Variants in ZFHX3 observed in about 807,000 individuals in gnomAD.
The protein encoded by ZFHX3 is zinc finger homeobox 3, also known as zinc finger homeobox protein 3.
In ZFHX3, 42 loss-of-function variants were observed where a neutral mutation model predicts 279.1. That is an observed-to-expected ratio of 0.15 (90% confidence interval 0.12 to 0.19). ZFHX3 has a LOEUF of 0.19. Among genes scored for constraint, ZFHX3 ranks in the 10% least tolerant of loss-of-function variants. The pLI, the probability that ZFHX3 is intolerant of heterozygous loss-of-function variation, is 1.00. For missense variants in ZFHX3, 4,981 were observed against 4,754.0 expected (o/e 1.05, Z -1.40); for synonymous variants, 2,293 against 1,957.8 (o/e 1.17, Z -4.52).
chr16:73,599,253 T>A (rs575170687), intron 2 of ZFHX3, among the ~76,000 whole-genome samples: 1 of 152,298 alleles, frequency 6.6e-6, no homozygotes, highest in East Asian at 1.9e-4. Flanking sequence ...AGGAGAGCCA[T>A]AAGTTGGAGT....
chr16:73,309,791 T>C (rs1314641739), intron 4 of ZFHX3, among the ~76,000 whole-genome samples: 2 of 152,124 alleles, frequency 1.3e-5, no homozygotes, highest in Non-Finnish European at 2.9e-5. Flanking sequence ...ATTCTGAGTA[T>C]AGCCTCAGTA....
At chr16:72,917,361 G>A (rs1371196850) in intron 3 of ZFHX3, among the ~76,000 whole-genome samples, 1 of 152,150 alleles carries the variant, frequency 6.6e-6, no homozygotes, top group Non-Finnish European at 1.5e-5. Context: ...TGATAAACTG[G>A]GGGAAAGGTA....
intron 3 of ZFHX3, among the ~76,000 whole-genome samples, chr16:73,354,831 A>G (rs1355153174): frequency 6.6e-6 from 1 of 152,202 alleles, no homozygotes; most frequent in Non-Finnish European, 1.5e-5. Flanking sequence ...CATCAGCCCC[A>G]AGATTCCCTC....
At chr16:73,164,757 C>T (rs1967319512) in intron 5 of ZFHX3, among the ~76,000 whole-genome samples, 1 of 150,332 alleles carries the variant, frequency 6.7e-6, no homozygotes, top group Non-Finnish European at 1.5e-5. Context: ...CTATTGCCAA[C>T]ACTTCCTGAA....
upstream of ZFHX3, among the ~76,000 whole-genome samples, chr16:73,049,133 G>C (rs1427501029): frequency 6.6e-6 from 1 of 152,142 alleles, no homozygotes; most frequent in Non-Finnish European, 1.5e-5. Context: ...ATCTCCCCAA[G>C]TCCACCTTTT....
intron 5 of ZFHX3, among the ~76,000 whole-genome samples, chr16:73,182,757 C>T (rs1448611145): frequency 6.6e-6 from 1 of 152,142 alleles, no homozygotes; most frequent in Non-Finnish European, 1.5e-5. Context: ...GAACTAGAGG[C>T]CATTATCCTA....
chr16:73,815,998 C>T (rs328344), intron 1 of ZFHX3: 60,172 of 151,980 alleles, frequency 0.4, 12,635 homozygotes, highest in African/African-American at 0.55. Flanking sequence ...ACCCTCACTA[C>T]TTTGTGGGCT....
chr16:73,262,026 A>G (rs772293050), intron 4 of ZFHX3, among the ~76,000 whole-genome samples: 13 of 152,202 alleles, frequency 8.5e-5, no homozygotes, highest in Non-Finnish European at 1.6e-4. Context: ...GTATAATAAC[A>G]TCACTAACCC....
intron 1 of ZFHX3, among the ~76,000 whole-genome samples, chr16:73,693,456 C>T (rs547792363): frequency 6.6e-6 from 1 of 152,172 alleles, no homozygotes; most frequent in Admixed American, 6.5e-5. Flanking sequence ...AAGACATTTG[C>T]GTTTGAGCTG....
At chr16:73,756,991 T>G (rs2053816355) in intron 1 of ZFHX3, among the ~76,000 whole-genome samples, 1 of 152,002 alleles carries the variant, frequency 6.6e-6, no homozygotes, top group South Asian at 2.1e-4. Context: ...ATCGTAAGAG[T>G]GCAAGAGGGA....
chr16:73,033,410 C>T (rs2144681963), intron 1 of ZFHX3, among the ~76,000 whole-genome samples: 1 of 152,308 alleles, frequency 6.6e-6, no homozygotes, highest in East Asian at 1.9e-4. Context: ...CCCCGCCGCC[C>T]CCCAGCACTG....
intron 4 of ZFHX3, among the ~76,000 whole-genome samples, chr16:72,875,847 T>G (rs2038296571): frequency 6.6e-6 from 1 of 152,192 alleles, no homozygotes; most frequent in Non-Finnish European, 1.5e-5. Flanking sequence ...GTCCCAGGGC[T>G]GGAATTCCAA....
intron 2 of ZFHX3, among the ~76,000 whole-genome samples, chr16:73,534,968 G>T (rs2019870361): frequency 1.3e-5 from 2 of 152,018 alleles, no homozygotes; most frequent in Non-Finnish European, 2.9e-5. Context: ...GAGGAAGCAG[G>T]CCCCATAGCC....
chr16:72,787,498 G>A lies in ZFHX3; in HGVS notation c.10778C>T (p.Ser3593Leu). The change falls in exon 10 of 10, where the codon TCA becomes TTA. Residue 3593 changes from serine (S) to leucine (L), a missense_variant. Ser to Leu is a moderately radical substitution (Grantham distance 145). This residue lies in a region of ZFHX3 where 1,034 missense variants were observed against 786.0 expected (regional missense o/e 1.32). Transcript: ENST00000268489. Reference sequence around the variant, plus strand: ...CGACGGGGGAGGGGGGCTGTCGTTTGAGTGAGCGGCAGACTGCGAGGTAGA... The same window carrying A: ...CGACGGGGGAGGGGGGCTGTCGTTTAAGTGAGCGGCAGACTGCGAGGTAGA... ...TASTSQSAAH[S>L]NDSPPPPSAA... 1 of 1,613,720 alleles carries A rather than the reference G, an allele frequency of 6.2e-7. No homozygotes were observed. Among genetic ancestry groups the A allele is most frequent in the Non-Finnish European group, 8.5e-7 (1 of 1,179,784 alleles).
intron 2 of ZFHX3, among the ~76,000 whole-genome samples, chr16:73,654,832 C>G (rs2052706801): frequency 6.8e-6 from 1 of 147,104 alleles, no homozygotes; most frequent in Non-Finnish European, 1.5e-5. Context: ...TAGGTTATCT[C>G]TCTTCTAAAC....
intron 1 of ZFHX3, among the ~76,000 whole-genome samples, chr16:73,760,586 A>G (rs567382619): frequency 1.2e-4 from 19 of 152,320 alleles, no homozygotes; most frequent in African/African-American, 4.3e-4. Flanking sequence ...CAAAATACTG[A>G]AAGACCAAAT....
intron 8 of ZFHX3, among the ~76,000 whole-genome samples, chr16:73,066,198 C>T (rs1965749856): frequency 6.6e-6 from 1 of 152,256 alleles, no homozygotes; most frequent in Non-Finnish European, 1.5e-5. Context: ...GCTGCAGGGA[C>T]ATTCGACGCC....
intron 3 of ZFHX3, among the ~76,000 whole-genome samples, chr16:73,438,070 G>T (rs562756236): frequency 1.3e-5 from 2 of 151,112 alleles, no homozygotes; most frequent in East Asian, 1.9e-4. Flanking sequence ...TTCTGGGATC[G>T]CTCTAAACCT....
At chr16:72,943,278 A>T (rs1176460568) in intron 3 of ZFHX3, among the ~76,000 whole-genome samples, 2 of 152,196 alleles carry the variant, frequency 1.3e-5, no homozygotes, top group Non-Finnish European at 2.9e-5. Context: ...TCACACCTGT[A>T]ATCTCGGCAC....
Sources: gnomAD v4.1 joint callset for allele counts (sites outside exome capture counted in the v4.1 genomes callset) on GRCh38, gnomAD v4.1.1 for gene constraint, gnomAD v4.1.1 regional missense constraint, MANE v1.5 for transcripts, NCBI Gene and HGNC (gene_info 2026-07-23, HGNC 2026-07-21) for gene names.